The following DPP10 variants were observed in gnomAD, a reference collection of about 807,000 sequenced individuals.
DPP10 encodes dipeptidyl peptidase like 10.
In DPP10, 33 loss-of-function variants were observed where a neutral mutation model predicts 120.9. The observed-to-expected ratio is 0.27, with a 90% CI of 0.21 to 0.37. DPP10 has a LOEUF of 0.37. Ranked by LOEUF, DPP10 falls within the 10% of genes least tolerant of loss-of-function variation. DPP10 has a pLI of 1.00. For missense variants in DPP10, 816 were observed against 942.8 expected (o/e 0.87, Z 1.76); for synonymous variants, 337 against 326.1 (o/e 1.03, Z -0.36).
At chr2:115,662,441 T>A (rs888967235) in intron 5 of DPP10, among the ~76,000 whole-genome samples, 1 of 151,774 alleles carries the variant, frequency 6.6e-6, no homozygotes, top group East Asian at 1.9e-4. Context: ...TTTATTTTTT[T>A]TTTTTAGCAA....
chr2:115,007,642 T>C (rs971537436), intron 1 of DPP10, among the ~76,000 whole-genome samples: 2 of 151,680 alleles, frequency 1.3e-5, no homozygotes, highest in Admixed American at 6.6e-5. Context: ...AAATTGTCCC[T>C]GTTTGCAGAC....
At chr2:114,610,767 AGG>A (rs1693219385) in intron 1 of DPP10, among the ~76,000 whole-genome samples, 2 of 152,152 alleles carry the variant, frequency 1.3e-5, no homozygotes, top group Admixed American at 1.3e-4. Context: ...TTTTGGCAGC[AGG>A]GAGTCAGCGT....
At chr2:114,995,917 C>A (rs1574656196) in intron 1 of DPP10, among the ~76,000 whole-genome samples, 1 of 152,056 alleles carries the variant, frequency 6.6e-6, no homozygotes, top group South Asian at 2.1e-4. Flanking sequence ...GCAGGTATAA[C>A]CAGATAAAGA....
intron 3 of DPP10, among the ~76,000 whole-genome samples, chr2:115,420,216 A>T (rs1038501909): frequency 6.6e-6 from 1 of 152,172 alleles, no homozygotes; most frequent in African/African-American, 2.4e-5. Context: ...GATAATCACT[A>T]TTTAATGTCT....
chr2:115,441,355 C>G (rs535074059), intron 3 of DPP10, among the ~76,000 whole-genome samples: 1 of 152,190 alleles, frequency 6.6e-6, no homozygotes, highest in African/African-American at 2.4e-5. Flanking sequence ...CTAGATTTAG[C>G]TATTTGATAT....
chr2:115,018,004 A>C (rs1163412964), intron 1 of DPP10, among the ~76,000 whole-genome samples: 1 of 151,624 alleles, frequency 6.6e-6, no homozygotes, highest in Non-Finnish European at 1.5e-5. Context: ...AAGTATAATA[A>C]TAAAAAAAAA....
At chr2:114,508,481 C>G (rs936887252) in intron 1 of DPP10, among the ~76,000 whole-genome samples, 30 of 152,104 alleles carry the variant, frequency 2.0e-4, no homozygotes, top group Admixed American at 5.2e-4. Context: ...CACAGTTTGT[C>G]TATTCACTAG....
At chr2:115,304,720 C>T (rs1574359094) in intron 1 of DPP10, among the ~76,000 whole-genome samples, 1 of 151,988 alleles carries the variant, frequency 6.6e-6, no homozygotes. Flanking sequence ...TCCTTTACTT[C>T]CTTATGAAGA....
chr2:115,449,264 A>T (rs1477755731), intron 3 of DPP10, among the ~76,000 whole-genome samples: 1 of 152,114 alleles, frequency 6.6e-6, no homozygotes, highest in Non-Finnish European at 1.5e-5. Context: ...GAGCCATGAG[A>T]TCTGGCCAGT....
chr2:115,538,233 A>G (rs2148951884), intron 5 of DPP10, among the ~76,000 whole-genome samples: 1 of 152,114 alleles, frequency 6.6e-6, no homozygotes, highest in South Asian at 2.1e-4. Context: ...GCCTCAGGAA[A>G]TCACGATAGA....
chr2:114,682,896 T>C (rs1036006319), intron 1 of DPP10, among the ~76,000 whole-genome samples: 1 of 151,854 alleles, frequency 6.6e-6, no homozygotes, highest in African/African-American at 2.4e-5. Context: ...GCTGAGAGTA[T>C]GTAAATAGTA....
At chr2:115,799,907 G>A (rs1454139656) in intron 19 of DPP10, among the ~76,000 whole-genome samples, 2 of 151,992 alleles carry the variant, frequency 1.3e-5, no homozygotes, top group Non-Finnish European at 2.9e-5. Flanking sequence ...GTGTGCATGT[G>A]TCTTTATAGC....
chr2:115,182,420 A>G (rs1039960113), intron 1 of DPP10, among the ~76,000 whole-genome samples: 3 of 152,252 alleles, frequency 2.0e-5, no homozygotes, highest in Admixed American at 6.5e-5. Flanking sequence ...TGGGATTCCA[A>G]AGATTTCACA....
At chr2:115,562,245 C>T (rs1041767268) in intron 5 of DPP10, among the ~76,000 whole-genome samples, 2 of 152,190 alleles carry the variant, frequency 1.3e-5, no homozygotes, top group South Asian at 4.1e-4. Flanking sequence ...TCATTTAAGG[C>T]TGTAGATTCT....
In DPP10 at chr2:115,180,493, T is replaced by C. The variant is rs1299013785; in HGVS notation, c.61-128746T>C. ...ATCTTTAGGTCAAACCTCTTCCTTTTGTGAATTAACCTGAAAATCCTGTCA... is the reference window on the plus strand; with the variant it reads ...ATCTTTAGGTCAAACCTCTTCCTTTCGTGAATTAACCTGAAAATCCTGTCA... On this transcript the variant is annotated intron_variant, in intron 1 of 25. Coordinates refer to ENST00000410059, the MANE Select transcript of DPP10 (RefSeq NM_020868.6). Among the ~76,000 whole-genome samples the C allele has an allele frequency of 2.0e-5, 3 of 152,182 alleles. No homozygotes were observed. The East Asian group carries it at 5.8e-4, about 29-fold the overall frequency.
Position 114,801,262 on chromosome 2 carries a change from C to CAA in DPP10, c.60+358440_60+358441dup, listed in dbSNP as rs1174819592. ...TGGGTGACAGAACGAGACTCTGTATCAAAAAAAAAAAAAAAAAGAAAAAAA... is the reference window on the plus strand; with the variant it reads ...TGGGTGACAGAACGAGACTCTGTATCAAAAAAAAAAAAAAAAAAAGAAAAAAA... On this transcript the variant is annotated intron_variant, in intron 1 of 25. Coordinates refer to ENST00000410059, the MANE Select transcript of DPP10 (RefSeq NM_020868.6). 2.9e-3 allele frequency among the ~76,000 whole-genome samples: 171 copies of CAA among 59,632 alleles called. 1 individual carries two copies. The highest frequency in any genetic ancestry group is 6.3e-3 in the African/African-American group (114 of 18,074). The allele number at this position is 59,632 out of a possible 152,430, so 39.1% of individuals were successfully genotyped here. A position where few individuals can be genotyped will look rare whatever the true frequency, so the allele number is the denominator to read the frequency against.
intron 1 of DPP10, chr2:115,131,127 T>C (rs1489387687): frequency 2.0e-5 from 3 of 152,214 alleles, no homozygotes; most frequent in Non-Finnish European, 2.9e-5. Flanking sequence ...TGTAAAAGGA[T>C]AGAAAGGTGA....
At position 115,777,968 on chromosome 2, in the gene DPP10, T is replaced by C. The variant is rs1456573837; in HGVS notation, c.1361+134T>C. 3.8e-6 allele frequency: 3 copies of C among 779,580 alleles called. No homozygotes were observed. The East Asian group carries it at 7.9e-5, about 21-fold the overall frequency. 48.3% of individuals were successfully genotyped at this position (779,580 alleles called of 1,614,324 possible). A position where few individuals can be genotyped will look rare whatever the true frequency, so the allele number is the denominator to read the frequency against. ...GAAGAGCCAACTTTGCTGACAAAGC[T>C]TCACACTCTTGCACCAGTCTCTCCC... On this transcript the variant is annotated intron_variant, in intron 15 of 25. Transcript: ENST00000410059.
intron 5 of DPP10, among the ~76,000 whole-genome samples, chr2:115,614,622 G>A (rs1253244241): frequency 3.3e-5 from 5 of 151,986 alleles, no homozygotes; most frequent in African/African-American, 9.7e-5. Context: ...ACGGGTTTTC[G>A]TTATGTTGGC....
Sources: allele counts gnomAD v4.1 joint callset (sites outside exome capture counted in the v4.1 genomes callset), GRCh38; gene constraint gnomAD v4.1.1; transcripts MANE v1.5; gene names NCBI Gene and HGNC (gene_info 2026-07-23, HGNC 2026-07-21).